The following L3MBTL4 variants were observed in gnomAD, a reference collection of about 807,000 sequenced individuals.
L3MBTL4 encodes the protein L3MBTL histone methyl-lysine binding protein 4.
In L3MBTL4, 70 loss-of-function variants were observed where a neutral mutation model predicts 84.5. The observed-to-expected ratio is 0.83, with a 90% CI of 0.68 to 1.01. The LOEUF (loss-of-function observed/expected upper bound fraction) is 1.01. Among genes scored for constraint, L3MBTL4 ranks in the 50% least tolerant of loss-of-function variants. The probability of loss-of-function intolerance (pLI) is 0.00; values close to 1 mark genes in which losing one functional copy is unlikely to be tolerated. For synonymous variants in L3MBTL4, 274 were observed against 259.8 expected (o/e 1.05, Z -0.52); for missense variants, 715 against 754.8 (o/e 0.95, Z 0.62).
At position 6,263,958 on chromosome 18, in the gene L3MBTL4, G is replaced by A; in HGVS notation, c.208C>T (p.Leu70=). The part of the protein sequence containing the change: ...EQKAVAAPVE[L]FSKDQSFPEH... The stretch of plus-strand genomic sequence containing the variant: ...CTTCAGTGGCTGACCTTGGAAAACA[G>A]CTCAACAGGTGCTGCGACAGCCTTC... The change falls in exon 5 of 19, where the codon CTG becomes TTG. Residue 70 remains leucine (L), a synonymous_variant. Transcript: ENST00000317931. The A allele has an allele frequency of 1.2e-6, 2 of 1,612,904 alleles. No homozygotes were observed. The highest frequency in any genetic ancestry group is 1.7e-6 in the Non-Finnish European group (2 of 1,178,856).
chr18:6,345,215 CAA>C (rs35502624), intron 1 of L3MBTL4, among the ~76,000 whole-genome samples: 4 of 38,488 alleles, frequency 1.0e-4, no homozygotes, highest in African/African-American at 3.0e-4. Context: ...TACTAAAATA[CAA>C]AAAAAAAAAA....
At chr18:6,300,039 G>A (rs189033007) in intron 4 of L3MBTL4, among the ~76,000 whole-genome samples, 1 of 147,704 alleles carries the variant, frequency 6.8e-6, no homozygotes, top group East Asian at 2.0e-4. Context: ...TCTGTGTGGG[G>A]TTTTTGTTTA....
At chr18:6,039,638 C>T (rs911071284) in intron 16 of L3MBTL4, among the ~76,000 whole-genome samples, 2 of 152,174 alleles carry the variant, frequency 1.3e-5, no homozygotes, top group Admixed American at 1.3e-4. Context: ...TACACGCATA[C>T]CCTCTTCCAT....
intron 14 of L3MBTL4, among the ~76,000 whole-genome samples, chr18:6,131,798 T>A (rs1185259017): frequency 6.6e-6 from 1 of 152,202 alleles, no homozygotes; most frequent in African/African-American, 2.4e-5. Flanking sequence ...CCAAGGTTGG[T>A]ACTGAAGAAC....
intron 4 of L3MBTL4, among the ~76,000 whole-genome samples, chr18:6,293,103 A>C (rs2049940550): frequency 6.6e-6 from 1 of 152,214 alleles, no homozygotes; most frequent in Non-Finnish European, 1.5e-5. Flanking sequence ...TTCTTCCCAA[A>C]TAAAACATTT....
At chr18:6,391,225 A>C (rs1265088807) in intron 1 of L3MBTL4, among the ~76,000 whole-genome samples, 1 of 152,186 alleles carries the variant, frequency 6.6e-6, no homozygotes, top group African/African-American at 2.4e-5. Flanking sequence ...CAGAATTAAA[A>C]ACAAAAACCA....
intron 16 of L3MBTL4, among the ~76,000 whole-genome samples, chr18:5,995,627 C>T (rs902425757): frequency 1.3e-5 from 2 of 152,154 alleles, no homozygotes; most frequent in Admixed American, 6.5e-5. Flanking sequence ...AGCCTTCGCA[C>T]TTCTGGAGAG....
At chr18:6,006,149 A>C (rs1049311309) in intron 16 of L3MBTL4, among the ~76,000 whole-genome samples, 5 of 152,240 alleles carry the variant, frequency 3.3e-5, no homozygotes, top group Admixed American at 2.0e-4. Context: ...AAACTCAAGA[A>C]ATATGGTTCC....
Position 6,209,445 on chromosome 18 carries a change from C to CAAAAAAAAAAAA in L3MBTL4, c.981+3692_981+3703dup, listed in dbSNP as rs60613997. Among the ~76,000 whole-genome samples the CAAAAAAAAAAAA allele has an allele frequency of 2.1e-3, 235 of 113,960 alleles. 2 individuals are homozygous for CAAAAAAAAAAAA. The highest frequency in any genetic ancestry group is 6.7e-3 in the African/African-American group (220 of 32,658). 74.8% of individuals were successfully genotyped at this position (113,960 alleles called of 152,430 possible). A position where few individuals can be genotyped will look rare whatever the true frequency, so the allele number is the denominator to read the frequency against. On this transcript the variant is annotated intron_variant, in intron 12 of 18. Transcript: ENST00000317931. ...AAGCCCATAAGGCCCACTAAACTGG[C>CAAAAAAAAAAAA]AAAAAAAAAAAAAAAGCCAAAACAA...
At chr18:6,241,134 T>A (rs1237113299) in intron 8 of L3MBTL4, among the ~76,000 whole-genome samples, 1 of 152,210 alleles carries the variant, frequency 6.6e-6, no homozygotes, top group Admixed American at 6.5e-5. Flanking sequence ...GTTTTTAAGT[T>A]TTCCCAACTT....
chr18:6,031,223 T>G, intron 16 of L3MBTL4: 1 of 985,452 alleles, frequency 1.0e-6, no homozygotes, highest in Non-Finnish European at 1.2e-6. Context: ...TAGTTTCTGT[T>G]TCAAAGGGGA....
chr18:6,034,633 C>G (rs866660799), intron 16 of L3MBTL4, among the ~76,000 whole-genome samples: 2 of 152,168 alleles, frequency 1.3e-5, no homozygotes, highest in Non-Finnish European at 2.9e-5. Context: ...TTTATAGCAG[C>G]ATGATTTATA....
At chr18:6,230,775 A>C (rs966561658) in intron 10 of L3MBTL4, among the ~76,000 whole-genome samples, 3 of 152,116 alleles carry the variant, frequency 2.0e-5, no homozygotes, top group African/African-American at 7.2e-5. Flanking sequence ...ACTTTTTAAT[A>C]ATAGCCATTC....
intron 16 of L3MBTL4, among the ~76,000 whole-genome samples, chr18:5,973,224 C>A (rs190372020): frequency 6.6e-6 from 1 of 152,196 alleles, no homozygotes; most frequent in Admixed American, 6.5e-5. Context: ...AGATTTCACA[C>A]CTGAGTGGTC....
chr18:6,236,240 AC>A (rs777589997), intron 10 of L3MBTL4, among the ~76,000 whole-genome samples: 7 of 152,248 alleles, frequency 4.6e-5, no homozygotes, highest in Non-Finnish European at 8.8e-5. Context: ...AATTGGACAT[AC>A]GAACCAATGA....
intron 10 of L3MBTL4, among the ~76,000 whole-genome samples, chr18:6,217,074 A>AT (rs748313828): frequency 1.7e-4 from 26 of 152,146 alleles, no homozygotes; most frequent in Admixed American, 9.8e-4. Context: ...TAAAATAAGT[A>AT]TTTTTTTACA....
intron 13 of L3MBTL4, among the ~76,000 whole-genome samples, chr18:6,148,177 G>A (rs940104941): frequency 2.6e-5 from 4 of 152,168 alleles, no homozygotes; most frequent in African/African-American, 9.7e-5. Flanking sequence ...AGAGAAAATT[G>A]TAGATTCAAT....
At chr18:6,332,335 G>C (rs751138649) in intron 1 of L3MBTL4, among the ~76,000 whole-genome samples, 2 of 152,090 alleles carry the variant, frequency 1.3e-5, no homozygotes, top group Non-Finnish European at 2.9e-5. Context: ...GCTGCTCATA[G>C]AATACAATGC....
At chr18:6,371,040 A>G (rs163749) in intron 1 of L3MBTL4, among the ~76,000 whole-genome samples, 93,217 of 152,002 alleles carry the variant, frequency 0.61, 29,201 homozygotes, top group African/African-American at 0.76. Context: ...ACCCAGGGTC[A>G]GCACAGTTTT....
Sources: gnomAD v4.1 joint callset for allele counts (sites outside exome capture counted in the v4.1 genomes callset) on GRCh38, gnomAD v4.1.1 for gene constraint, MANE v1.5 for transcripts, NCBI Gene and HGNC (gene_info 2026-07-23, HGNC 2026-07-21) for gene names.